Variants in IVD observed in about 807,000 individuals in gnomAD.
The protein encoded by IVD is isovaleryl-CoA dehydrogenase, mitochondrial.
Under a neutral mutation model 51.3 loss-of-function variants are expected in IVD, and 31 were observed. The ratio of observed to expected loss-of-function variants is 0.60; its 90% confidence interval spans 0.45 to 0.81. The LOEUF is 0.81. Ranked by LOEUF, IVD falls within the 40% of genes least tolerant of loss-of-function variation. The probability of loss-of-function intolerance (pLI) is 0.00; values close to 1 mark genes in which losing one functional copy is unlikely to be tolerated. For synonymous variants in IVD, 205 were observed against 219.4 expected, an observed-to-expected ratio of 0.93 and a Z score of 0.58; for missense variants, 475 against 552.0, an observed-to-expected ratio of 0.86 and a Z score of 1.40.
At chr15:40,422,785 A>C, downstream of IVD, among the ~76,000 whole-genome samples, 1 of 54,252 alleles carries the variant, frequency 1.8e-5, no homozygotes, top group East Asian at 2.3e-3. Flanking sequence ...TTTTTAGTAG[A>C]GACGGGGTTT....
chr15:40,424,200 A>C, downstream of IVD: 1 of 1,288,036 alleles, frequency 7.8e-7, no homozygotes, highest in Non-Finnish European at 1.0e-6. Context: ...CAAATTCTTC[A>C]GTGGCTCCCA....
In IVD at chr15:40,407,578, G is replaced by C. The variant is rs148761053; in HGVS notation, c.145-58G>C. On this transcript the variant is annotated intron_variant, in intron 1 of 11. Transcript: ENST00000487418. ...TTACTTGTGGCCTTTTCTCTTGAAT[G>C]TGTCTGGGTAGTGGAGATGCTGTCT... 1.8e-5 allele frequency: 23 copies of C among 1,261,390 alleles called. No individual in the cohort carries two copies. In the East Asian group the frequency reaches 5.3e-4, roughly 29 times the overall value. The allele number at this position is 1,261,390 out of a possible 1,614,324, so 78.1% of individuals were successfully genotyped here. A position where few individuals can be genotyped will look rare whatever the true frequency, so the allele number is the denominator to read the frequency against.
Position 40,418,647 on chromosome 15 carries a change from C to G in IVD, c.*384C>G. The G allele has an allele frequency of 8.7e-7, 1 of 1,151,468 alleles. No homozygotes were observed. Among genetic ancestry groups the G allele is most frequent in the Non-Finnish European group, 1.1e-6 (1 of 925,712 alleles). 71.3% of individuals were successfully genotyped at this position (1,151,468 alleles called of 1,614,324 possible). A position where few individuals can be genotyped will look rare whatever the true frequency, so the allele number is the denominator to read the frequency against. ...CCTGGGGGCATGCAGGTACCCACCT[C>G]TTTCTCTTGGGTGAGGCTCTGGCAA... On this transcript the variant is annotated 3_prime_UTR_variant, in exon 12 of 12. Coordinates refer to ENST00000487418, the MANE Select transcript of IVD (RefSeq NM_002225.5).
intron 8 of IVD, among the ~76,000 whole-genome samples, chr15:40,435,066 G>A (rs1284818173): frequency 6.6e-6 from 1 of 152,240 alleles, no homozygotes; most frequent in South Asian, 2.1e-4. Flanking sequence ...GTGAAATGGC[G>A]ATAGTAATTG....
chr15:40,411,816 G>T lies in IVD; in HGVS notation c.687+125G>T, dbSNP rs1248685240. On this transcript the variant is annotated intron_variant, in intron 6 of 11. Coordinates refer to ENST00000487418, the MANE Select transcript of IVD (RefSeq NM_002225.5). Reference sequence around the variant, plus strand: ...CTCTGCAAGGCCCCCAGAGGTGGGGGTGAGGCAGAGAGCAGACTGCAAGGA... The same window carrying T: ...CTCTGCAAGGCCCCCAGAGGTGGGGTTGAGGCAGAGAGCAGACTGCAAGGA... The T allele has an allele frequency of 3.4e-6, 4 of 1,184,442 alleles. No homozygotes were observed. In the African/African-American group the frequency reaches 6.1e-5, roughly 18 times the overall value. The allele number at this position is 1,184,442 out of a possible 1,614,324, so 73.4% of individuals were successfully genotyped here. A position where few individuals can be genotyped will look rare whatever the true frequency, so the allele number is the denominator to read the frequency against.
chr15:40,427,954 G>A (rs1892766048), downstream of IVD, among the ~76,000 whole-genome samples: 1 of 152,112 alleles, frequency 6.6e-6, no homozygotes, highest in Non-Finnish European at 1.5e-5. Flanking sequence ...GGCTGAGGCG[G>A]GCAGATCACC....
rs1345798052 is a variant in IVD, at chr15:40,421,077, T to A, written c.*2814T>A. ...AGATCCTGGGCTCATAGGCAGTCCC[T>A]TTCACTTCCTTGTCTTGCTCCCTGC... On this transcript the variant is annotated 3_prime_UTR_variant, in exon 12 of 12. Coordinates refer to ENST00000487418, the MANE Select transcript of IVD (RefSeq NM_002225.5). The A allele has an allele frequency of 1.0e-6, 1 of 985,308 alleles. No individual in the cohort carries two copies. Among genetic ancestry groups the A allele is most frequent in the African/African-American group, 1.7e-5 (1 of 57,226 alleles). 61.0% of individuals were successfully genotyped at this position (985,308 alleles called of 1,614,324 possible). A position where few individuals can be genotyped will look rare whatever the true frequency, so the allele number is the denominator to read the frequency against.
rs1891520294 is a variant in IVD at position 40,415,150 on chromosome 15, C to T, written c.878+168C>T. ...CTCCTCTTCCCATGTTGAATTTCTT[C>T]CCACAGTGGGGAAATATCATTAAGT... On this transcript the variant is annotated intron_variant, in intron 8 of 11. Transcript: ENST00000487418. The T allele has an allele frequency of 1.2e-5, 10 of 826,920 alleles. No homozygotes were observed. The South Asian group carries it at 1.3e-4, about 11-fold the overall frequency. 51.2% of individuals were successfully genotyped at this position (826,920 alleles called of 1,614,324 possible).
rs556745416 is a variant in IVD at position 40,418,861 on chromosome 15, G to A, written c.*598G>A. 6 of 778,010 alleles carry A rather than the reference G, an allele frequency of 7.7e-6. No homozygotes were observed. The African/African-American group carries it at 9.2e-5, about 12-fold the overall frequency. 48.2% of individuals were successfully genotyped at this position (778,010 alleles called of 1,614,324 possible). ...TAATAAACCTAGCCTAGCCAGGCGT[G>A]GTGGCTCATGCTTGTAATCCCAGCA... is the stretch of plus-strand genomic sequence containing the variant. On this transcript the variant is annotated 3_prime_UTR_variant, in exon 12 of 12. Transcript: ENST00000487418.
downstream of IVD, chr15:40,424,236 A>G (rs754788438): frequency 6.9e-5 from 87 of 1,266,100 alleles, no homozygotes; most frequent in Non-Finnish European, 8.7e-5. Context: ...AAGGCTTGGC[A>G]AGGCAAATAT....
downstream of IVD, among the ~76,000 whole-genome samples, chr15:40,427,483 A>T (rs1306932615): frequency 1.3e-5 from 2 of 152,160 alleles, no homozygotes; most frequent in African/African-American, 4.8e-5. Flanking sequence ...CTGGGTTCCC[A>T]AGAGGCAACC....
rs141900640 is a variant in IVD at position 40,434,904 on chromosome 15, G to A, written c.781-513G>A. The stretch of plus-strand genomic sequence containing the variant: ...CTTACTATTGAACCTGGCCATCCCT[G>A]GCCTCAGAAGTCCAGTGGGGTCAGC... On this transcript the variant is annotated intron_variant, in intron 8 of 8. Transcript: ENST00000473112. Among the ~76,000 whole-genome samples, 34 of 152,282 alleles carry A rather than the reference G, an allele frequency of 2.2e-4. No individual in the cohort carries two copies. In the East Asian group the frequency reaches 6.4e-3, roughly 29 times the overall value.
At chr15:40,413,276 TGCCTA>T in intron 7 of IVD, 189 bp downstream of exon 7, 4 of 644,942 alleles carry the variant, frequency 6.2e-6, no homozygotes, top group Admixed American at 2.2e-5. Context: ...TGCAGCGGCA[TGCCTA>T]ACTGGCATCA....
At chr15:40,406,429 GCCACAGTGAGCTCT>G in intron 1 of IVD, 3 of 938,496 alleles carry the variant, frequency 3.2e-6, no homozygotes, top group Non-Finnish European at 3.0e-6. Flanking sequence ...GTTTTAAAAA[GCCACAGTGAGCTCT>G]CCTGTCGCTC....
chr15:40,406,172 T>A (rs1890388338), intron 1 of IVD: 2 of 1,538,312 alleles, frequency 1.3e-6, no homozygotes, highest in African/African-American at 1.4e-5. Flanking sequence ...CTCACGTCTG[T>A]GGAGTGAAGA....
rs117529693 is a variant in IVD, at chr15:40,433,016, T to C, written c.720-838T>C. On this transcript the variant is annotated intron_variant, in intron 7 of 8. Transcript: ENST00000473112. ...ACAATTGCTAATGTTCTGGGGGCAC[T>C]TGTGGCTACATCAGGTACTATTCTA... is the stretch of plus-strand genomic sequence containing the variant. Among the ~76,000 whole-genome samples the C allele has an allele frequency of 5.3e-3, 804 of 152,360 alleles. 15 individuals are homozygous for C. In the East Asian group the frequency reaches 0.054, roughly 10 times the overall value.
intron 7 of IVD, among the ~76,000 whole-genome samples, chr15:40,413,772 C>T (rs1595781420): frequency 6.6e-6 from 1 of 152,014 alleles, no homozygotes; most frequent in Admixed American, 6.6e-5. Context: ...CTCACGGCAG[C>T]CTCCACCTCC....
intron 1 of IVD, 115 bp downstream of exon 1, chr15:40,406,086 C>A: frequency 6.5e-7 from 1 of 1,542,900 alleles, no homozygotes; most frequent in Non-Finnish European, 8.7e-7. Context: ...GGCTTTTGCC[C>A]GTGGGCCGTT....
chr15:40,424,123 T>G (rs1892528909), downstream of IVD: 1 of 1,280,412 alleles, frequency 7.8e-7, no homozygotes, highest in South Asian at 1.3e-5. Context: ...CAACTTGCCT[T>G]CCTTCTTCCA....
Sources: allele counts gnomAD v4.1 joint callset (sites outside exome capture counted in the v4.1 genomes callset), GRCh38; gene constraint gnomAD v4.1.1; transcripts MANE v1.5; gene names NCBI Gene and HGNC (gene_info 2026-07-23, HGNC 2026-07-21).